EFCAB11: variants seen among roughly 807,000 people sequenced by gnomAD.
EFCAB11 encodes EF-hand calcium binding domain 11.
In EFCAB11, 14 loss-of-function variants were observed where a neutral mutation model predicts 23.0. That is an observed-to-expected ratio of 0.61 (90% CI 0.40 to 0.95). The LOEUF is 0.95. Among genes scored for constraint, EFCAB11 ranks in the 40% least tolerant of loss-of-function variants. The probability of loss-of-function intolerance (pLI) is 0.00; values close to 1 mark genes in which losing one functional copy is unlikely to be tolerated. For synonymous variants in EFCAB11, 65 were observed against 66.6 expected (o/e 0.98, Z 0.11); for missense variants, 198 against 195.8 (o/e 1.01, Z -0.07).
At chr14:89,879,802 A>G (rs1340569156) in intron 5 of EFCAB11, among the ~76,000 whole-genome samples, 1 of 152,154 alleles carries the variant, frequency 6.6e-6, no homozygotes, top group East Asian at 1.9e-4. Flanking sequence ...ATTCAGCTTG[A>G]CCCACTCTGA....
intron 5 of EFCAB11, among the ~76,000 whole-genome samples, chr14:89,814,021 T>C (rs1165618949): frequency 6.6e-6 from 1 of 151,088 alleles, no homozygotes; most frequent in African/African-American, 2.4e-5. Context: ...TCTTTAGTAA[T>C]AAATATATCC....
Position 89,950,123 on chromosome 14 carries a change from A to C in EFCAB11, c.191T>G (p.Met64Arg). 1 of 1,557,804 alleles carries C rather than the reference A, an allele frequency of 6.4e-7. No individual in the cohort carries two copies. The highest frequency in any genetic ancestry group is 8.8e-7 in the Non-Finnish European group (1 of 1,140,640). The part of the protein sequence containing the change: ...KPSKIEVDSV[M>R]SSINPNTSGI... ...AGAAGTATTTGGATTTATTGAAGAC[A>C]TCACAGAATCCACTTCTATCTAGAA... The change falls in exon 3 of 6, where the codon ATG (methionine) becomes AGG (arginine). Residue 64 changes from methionine (M) to arginine (R), a missense_variant. Met to Arg is a moderately conservative substitution (Grantham distance 91). Coordinates refer to ENST00000316738, the MANE Select transcript of EFCAB11 (RefSeq NM_145231.4).
chr14:89,819,053 C>T (rs577938254), intron 5 of EFCAB11, among the ~76,000 whole-genome samples: 22 of 152,286 alleles, frequency 1.4e-4, no homozygotes, highest in South Asian at 8.3e-4. Context: ...AAGCACATAT[C>T]CATTCAGACT....
Position 89,946,649 on chromosome 14 carries a change from T to C in EFCAB11, c.217+3448A>G, listed in dbSNP as rs573751758. Among the ~76,000 whole-genome samples, 92 of 152,036 alleles carry C rather than the reference T, an allele frequency of 6.1e-4. 1 individual carries two copies. Among genetic ancestry groups the C allele is most frequent in the Middle Eastern group, 3.5e-3 (1 of 286 alleles). ...GTGCTGTGGTATGATAATGGCTAAGTGCAACCTCAAACTCCTGGGCTCAAG... is the reference window on the plus strand; with the variant it reads ...GTGCTGTGGTATGATAATGGCTAAGCGCAACCTCAAACTCCTGGGCTCAAG... On this transcript the variant is annotated intron_variant, in intron 3 of 5. Coordinates refer to ENST00000316738, the MANE Select transcript of EFCAB11 (RefSeq NM_145231.4).
chr14:89,854,199 A>ATC (rs1887681052), intron 5 of EFCAB11, among the ~76,000 whole-genome samples: 1 of 149,980 alleles, frequency 6.7e-6, no homozygotes, highest in African/African-American at 2.5e-5. Flanking sequence ...TGTCTCTCAA[A>ATC]AAAAAAAAAA....
intron 5 of EFCAB11, among the ~76,000 whole-genome samples, chr14:89,839,550 T>C (rs1388402517): frequency 6.6e-6 from 1 of 151,984 alleles, no homozygotes; most frequent in Non-Finnish European, 1.5e-5. Context: ...ATGGGAAGAA[T>C]AAAAACAAGA....
chr14:89,924,757 C>T, intron 5 of EFCAB11: 1 of 1,477,002 alleles, frequency 6.8e-7, no homozygotes, highest in Non-Finnish European at 9.1e-7. Context: ...AAAGCAAAGC[C>T]ACATGTGGCT....
intron 5 of EFCAB11, among the ~76,000 whole-genome samples, chr14:89,918,719 C>G (rs769676548): frequency 6.6e-6 from 1 of 151,858 alleles, no homozygotes; most frequent in Non-Finnish European, 1.5e-5. Flanking sequence ...TACATCCTTA[C>G]AGAGAGAGCA....
chr14:89,794,775 A>G lies in EFCAB11; in HGVS notation c.*2468T>C, dbSNP rs913293967. On this transcript the variant is annotated 3_prime_UTR_variant, in exon 6 of 6. Coordinates refer to ENST00000316738, the MANE Select transcript of EFCAB11 (RefSeq NM_145231.4). ...TGAATAAGACTTTATTTTTTAAATGAATTTTTAATTTTAGAATAGTTTTAG... is the reference window on the plus strand; with the variant it reads ...TGAATAAGACTTTATTTTTTAAATGGATTTTTAATTTTAGAATAGTTTTAG... 3 of 152,128 alleles carry G rather than the reference A, an allele frequency of 2.0e-5. No individual in the cohort carries two copies. The highest frequency in any genetic ancestry group is 4.4e-5 in the Non-Finnish European group (3 of 68,002). The allele number at this position is 152,128 out of a possible 1,614,324, so 9.4% of individuals were successfully genotyped here.
intron 5 of EFCAB11, among the ~76,000 whole-genome samples, chr14:89,870,753 C>CA (rs1297154189): frequency 7.8e-6 from 1 of 128,382 alleles, no homozygotes; most frequent in Non-Finnish European, 1.6e-5. Flanking sequence ...AATATGGTGA[C>CA]ACCTCATCTC....
intron 5 of EFCAB11, among the ~76,000 whole-genome samples, chr14:89,889,724 A>G (rs1358767040): frequency 1.3e-5 from 2 of 152,264 alleles, no homozygotes; most frequent in Non-Finnish European, 2.9e-5. Context: ...AGAGAATGCC[A>G]GTGTGATCAG....
At chr14:89,855,887 G>T (rs1050336401) in intron 5 of EFCAB11, among the ~76,000 whole-genome samples, 9 of 152,022 alleles carry the variant, frequency 5.9e-5, no homozygotes, top group Middle Eastern at 3.2e-3. Flanking sequence ...GCAATATTTG[G>T]CTTTCTGTAT....
At chr14:89,887,100 A>C (rs117286699) in intron 5 of EFCAB11, among the ~76,000 whole-genome samples, 2,750 of 152,362 alleles carry the variant, frequency 0.018, 46 homozygotes, top group Non-Finnish European at 0.027. Flanking sequence ...ATCCAGAGGT[A>C]TTCAAGAACA....
intron 5 of EFCAB11, among the ~76,000 whole-genome samples, chr14:89,828,673 C>A (rs975083062): frequency 1.3e-5 from 2 of 152,078 alleles, no homozygotes; most frequent in African/African-American, 2.4e-5. Flanking sequence ...TTAAAAACCA[C>A]AAGAATTTTT....
chr14:89,866,237 C>A (rs561185361), intron 5 of EFCAB11, among the ~76,000 whole-genome samples: 3 of 152,286 alleles, frequency 2.0e-5, no homozygotes, highest in Admixed American at 1.3e-4. Flanking sequence ...CTTCTGGGCA[C>A]CCCTAAATGA....
At chr14:89,800,188 TAAACAAACAAAC>T (rs55693480) in intron 5 of EFCAB11, among the ~76,000 whole-genome samples, 42 of 150,008 alleles carry the variant, frequency 2.8e-4, no homozygotes, top group African/African-American at 8.4e-4. Flanking sequence ...CTCAATCTCG[TAAACAAACAAAC>T]AAACAAACAA....
intron 5 of EFCAB11, among the ~76,000 whole-genome samples, chr14:89,811,134 A>G (rs1293113320): frequency 6.6e-6 from 1 of 151,838 alleles, no homozygotes; most frequent in Non-Finnish European, 1.5e-5. Flanking sequence ...AAGCAGAGGG[A>G]ACAGCATGTG....
chr14:89,846,539 TG>T (rs1426191342), intron 5 of EFCAB11, among the ~76,000 whole-genome samples: 7 of 152,218 alleles, frequency 4.6e-5, no homozygotes, highest in African/African-American at 1.7e-4. Flanking sequence ...CTTCAACAAT[TG>T]ATCTCTGATG....
At chr14:89,801,019 A>C (rs915339314) in intron 5 of EFCAB11, among the ~76,000 whole-genome samples, 3 of 147,064 alleles carry the variant, frequency 2.0e-5, no homozygotes, top group Non-Finnish European at 4.5e-5. Flanking sequence ...TGGGTGACAG[A>C]GCCAGATCCC....
Sources: allele counts gnomAD v4.1 joint callset (sites outside exome capture counted in the v4.1 genomes callset), GRCh38; gene constraint gnomAD v4.1.1; transcripts MANE v1.5; gene names NCBI Gene and HGNC (gene_info 2026-07-23, HGNC 2026-07-21).